MMRN1: variants seen among roughly 807,000 people sequenced by gnomAD.
The protein encoded by MMRN1 is multimerin 1, also known as multimerin-1.
A neutral mutation model predicts 100.7 loss-of-function variants in MMRN1; 94 were observed. The observed-to-expected ratio is 0.93, with a 90% CI of 0.79 to 1.11. The LOEUF is 1.11. Among genes scored for constraint, MMRN1 ranks in the 50% least tolerant of loss-of-function variants. The pLI is 0.00. For missense variants in MMRN1, 1,606 were observed against 1,439.1 expected, an observed-to-expected ratio of 1.12 and a Z score of -1.88; for synonymous variants, 575 against 505.0, an observed-to-expected ratio of 1.14 and a Z score of -1.86.
chr4:89,946,342 G>T (rs1722984521), intron 6 of MMRN1, among the ~76,000 whole-genome samples: 1 of 152,176 alleles, frequency 6.6e-6, no homozygotes, highest in Admixed American at 6.5e-5. Flanking sequence ...ACTCCATTGT[G>T]TCCTAGCAGA....
chr4:89,899,547 G>A (rs1721315840), intron 1 of MMRN1, among the ~76,000 whole-genome samples: 4 of 152,164 alleles, frequency 2.6e-5, no homozygotes, highest in South Asian at 4.1e-4. Context: ...GTATAATGGG[G>A]GGAATGGCCT....
At chr4:89,914,251 C>T (rs542181862) in intron 3 of MMRN1, among the ~76,000 whole-genome samples, 1 of 151,542 alleles carries the variant, frequency 6.6e-6, no homozygotes, top group African/African-American at 2.4e-5. Context: ...TCTTCTCCCC[C>T]ACTTTTGTAC....
chr4:89,938,141 GATA>G (rs1423317446), intron 6 of MMRN1, among the ~76,000 whole-genome samples: 1 of 151,420 alleles, frequency 6.6e-6, no homozygotes, highest in Non-Finnish European at 1.5e-5. Context: ...TGAATGTTTT[GATA>G]ATATTAAAAA....
chr4:89,946,088 C>T (rs1453157558), intron 6 of MMRN1, among the ~76,000 whole-genome samples: 1 of 152,104 alleles, frequency 6.6e-6, no homozygotes, highest in Non-Finnish European at 1.5e-5. Context: ...GAAGATAAGC[C>T]TTATTTGATA....
rs1722562555 is a variant in MMRN1 at position 89,935,055 on chromosome 4, C to A, written c.1375C>A (p.Leu459Ile). 6.2e-7 allele frequency: 1 copy of A among 1,613,602 alleles called. No homozygotes were observed. ...NRPTLTDIVE[L>I]RNHIVNVRQE... is the part of the protein sequence containing the mutation. ...GCCCACTTTGACTGATATAGTGGAA[C>A]TAAGGAATCACATTGTGAATGTAAG... is the stretch of plus-strand genomic sequence containing the variant. Residue 459 changes from leucine (L) to isoleucine (I), a missense_variant, in exon 6 of 8, where the codon CTA becomes ATA. Coordinates refer to ENST00000264790, the MANE Select transcript of MMRN1 (RefSeq NM_007351.3).
At chr4:89,881,608 G>A (rs778858242) in intron 1 of MMRN1, among the ~76,000 whole-genome samples, 92 of 151,912 alleles carry the variant, frequency 6.1e-4, no homozygotes, top group African/African-American at 1.9e-3. Flanking sequence ...CATTAAAGCC[G>A]TTTTGTGTTT....
At chr4:89,882,475 A>G (rs1211223725) in intron 1 of MMRN1, among the ~76,000 whole-genome samples, 3 of 151,832 alleles carry the variant, frequency 2.0e-5, no homozygotes, top group African/African-American at 7.2e-5. Flanking sequence ...AGAAAACTTA[A>G]ATTTTAGTTG....
chr4:89,953,604 T>C lies in MMRN1; in HGVS notation c.*186T>C. 6.4e-6 allele frequency: 3 copies of C among 472,138 alleles called. No homozygotes were observed. Among genetic ancestry groups the C allele is most frequent in the Non-Finnish European group, 1.1e-5 (3 of 279,462 alleles). The allele number at this position is 472,138 out of a possible 1,614,324, so 29.2% of individuals were successfully genotyped here. A position where few individuals can be genotyped will look rare whatever the true frequency, so the allele number is the denominator to read the frequency against. On this transcript the variant is annotated 3_prime_UTR_variant, in exon 8 of 8. Transcript: ENST00000264790. ...TTGAATATTGTTTAATGTCTGAATA[T>C]GAAAGAGTTCTTGATCCTAAAGAAA...
At chr4:89,903,713 A>T (rs919182749) in intron 1 of MMRN1, among the ~76,000 whole-genome samples, 1 of 151,852 alleles carries the variant, frequency 6.6e-6, no homozygotes, top group Non-Finnish European at 1.5e-5. Context: ...TAGATGAGGT[A>T]GTCACTTTTG....
upstream of MMRN1, among the ~76,000 whole-genome samples, chr4:89,890,492 A>G (rs140613302): frequency 0.022 from 3,346 of 150,516 alleles, 133 homozygotes; most frequent in African/African-American, 0.076. Context: ...TCTTTTCTCC[A>G]CTCTTCAGAG....
chr4:89,927,646 C>A, intron 4 of MMRN1, 149 bp from the exon 5 acceptor site: 1 of 631,512 alleles, frequency 1.6e-6, no homozygotes, highest in Non-Finnish European at 2.7e-6. Context: ...GCTTCTAGTG[C>A]TTTGTTGAAA....
chr4:89,888,450 T>A lies in MMRN1; in HGVS notation c.-248-6274T>A, dbSNP rs914021411. On this transcript the variant is annotated intron_variant, in intron 1 of 8. Transcript: ENST00000394980. ...CTTTATGTGATATGGCGTGTTTTTT[T>A]TTTTCCTGATAACTCATCAATTGTG... 6.5e-4 allele frequency among the ~76,000 whole-genome samples: 98 copies of A among 151,918 alleles called. 2 individuals are homozygous for A. Among genetic ancestry groups the A allele is most frequent in the African/African-American group, 2.3e-3 (94 of 41,514 alleles).
At chr4:89,926,401 A>C (rs879759305) in intron 4 of MMRN1, among the ~76,000 whole-genome samples, 4 of 152,112 alleles carry the variant, frequency 2.6e-5, no homozygotes, top group Non-Finnish European at 5.9e-5. Context: ...ACCTTTTTAT[A>C]TGCCTGTTTG....
chr4:89,910,541 A>G (rs1309281525), intron 2 of MMRN1, among the ~76,000 whole-genome samples: 2 of 151,398 alleles, frequency 1.3e-5, no homozygotes, highest in East Asian at 3.9e-4. Context: ...TCTGAGCTAC[A>G]TGCAACAGAT....
intron 1 of MMRN1, among the ~76,000 whole-genome samples, chr4:89,883,001 T>C (rs1488663370): frequency 6.6e-6 from 1 of 152,064 alleles, no homozygotes; most frequent in Non-Finnish European, 1.5e-5. Flanking sequence ...TTCATATAAA[T>C]ATAACTATAA....
At chr4:89,950,664 C>T (rs541851646) in intron 6 of MMRN1, among the ~76,000 whole-genome samples, 8 of 151,938 alleles carry the variant, frequency 5.3e-5, no homozygotes, top group Non-Finnish European at 8.8e-5. Context: ...ATACATTCTC[C>T]GTTTTTTAAC....
intron 1 of MMRN1, among the ~76,000 whole-genome samples, chr4:89,897,784 T>TA (rs1327299522): frequency 2.0e-5 from 3 of 152,192 alleles, no homozygotes; most frequent in South Asian, 2.1e-4. Flanking sequence ...ACACAGAATT[T>TA]AAAAAAATAA....
At chr4:89,949,715 A>G (rs1396008063) in intron 6 of MMRN1, among the ~76,000 whole-genome samples, 1 of 152,224 alleles carries the variant, frequency 6.6e-6, no homozygotes, top group Non-Finnish European at 1.5e-5. Flanking sequence ...ATATATCAAG[A>G]TAATTCTGAT....
chr4:89,954,412 C>G lies in MMRN1; in HGVS notation c.*994C>G, dbSNP rs996657044. The G allele has an allele frequency of 5.9e-5, 9 of 152,106 alleles. 1 individual carries two copies. The highest frequency in any genetic ancestry group is 2.2e-4 in the African/African-American group (9 of 41,412). The allele number at this position is 152,106 out of a possible 1,614,324, so 9.4% of individuals were successfully genotyped here. A position where few individuals can be genotyped will look rare whatever the true frequency, so the allele number is the denominator to read the frequency against. Reference sequence around the variant, plus strand: ...GCCATGTCTTCTCCAGAGCCCACATCCATCCTTTCTCTATATTGCCTCCCA... The same window carrying G: ...GCCATGTCTTCTCCAGAGCCCACATGCATCCTTTCTCTATATTGCCTCCCA... On this transcript the variant is annotated 3_prime_UTR_variant, in exon 8 of 8. Coordinates refer to ENST00000264790, the MANE Select transcript of MMRN1 (RefSeq NM_007351.3).
Sources: gnomAD v4.1 joint callset for allele counts (sites outside exome capture counted in the v4.1 genomes callset) on GRCh38, gnomAD v4.1.1 for gene constraint, MANE v1.5 for transcripts, NCBI Gene and HGNC (gene_info 2026-07-23, HGNC 2026-07-21) for gene names.